The following DMD variants were observed in gnomAD, a reference collection of about 807,000 sequenced individuals.
DMD encodes mutant dystrophin.
In DMD, 63 loss-of-function variants were observed where a neutral mutation model predicts 330.1. That is an observed-to-expected ratio of 0.19 (90% confidence interval 0.16 to 0.24). DMD has a LOEUF of 0.24. DMD is among the 10% of genes least tolerant of loss of function. The pLI, the probability that DMD is intolerant of heterozygous loss-of-function variation, is 1.00. For missense variants in DMD, 3,344 were observed against 2,684.1 expected, an observed-to-expected ratio of 1.25 and a Z score of -5.43; for synonymous variants, 1,223 against 959.8, an observed-to-expected ratio of 1.27 and a Z score of -5.07.
At chrX:32,663,855 G>A (rs1290589679) in intron 9 of DMD, among the ~76,000 whole-genome samples, 1 of 111,722 alleles carries the variant, frequency 9.0e-6, no homozygotes, top group Admixed American at 9.6e-5. Flanking sequence ...AGTATGTGGA[G>A]GAAATGTGTT....
chrX:32,269,542 G>C (rs1306252555), intron 43 of DMD, among the ~76,000 whole-genome samples: 1 of 111,278 alleles, frequency 9.0e-6, no homozygotes, highest in African/African-American at 3.3e-5. Context: ...GGTTGCTGAA[G>C]ACCCGTATGG....
chrX:31,256,742 G>A (rs1290227931), intron 63 of DMD, among the ~76,000 whole-genome samples: 10 of 44,417 alleles, frequency 2.3e-4, no homozygotes, highest in African/African-American at 6.4e-4. Flanking sequence ...TATGTGGGGC[G>A]TGTGTGTGTG....
chrX:31,447,613 C>A (rs2065382501), intron 59 of DMD, among the ~76,000 whole-genome samples: 1 of 111,021 alleles, frequency 9.0e-6, no homozygotes, highest in African/African-American at 3.3e-5. Flanking sequence ...TCTATAAAAA[C>A]CAGGCCAAAT....
chrX:33,128,296 A>C, intron 1 of DMD: 1 of 1,052,920 alleles, frequency 9.5e-7, no homozygotes, highest in Non-Finnish European at 1.2e-6. Context: ...CCAAGCACAG[A>C]TAAAGCAGGC....
intron 62 of DMD, among the ~76,000 whole-genome samples, chrX:31,276,247 C>T (rs1175687706): frequency 2.7e-5 from 3 of 111,096 alleles, no homozygotes; most frequent in African/African-American, 9.8e-5. Context: ...TTGGTAGAGA[C>T]GGGGTTTCAC....
intron 45 of DMD, among the ~76,000 whole-genome samples, chrX:31,952,090 C>T (rs929411026): frequency 6.3e-5 from 7 of 111,202 alleles, no homozygotes; most frequent in African/African-American, 2.3e-4. Flanking sequence ...GATCCCTGTA[C>T]ATGAGGAGTC....
intron 43 of DMD, among the ~76,000 whole-genome samples, chrX:32,284,256 T>C (rs1415924642): frequency 5.4e-5 from 6 of 111,879 alleles, no homozygotes; most frequent in Non-Finnish European, 1.1e-4. Context: ...GAATGGTCTA[T>C]AGACCTTGAC....
At chrX:31,162,409 T>C (rs772529794) in intron 74 of DMD, among the ~76,000 whole-genome samples, 2 of 94,214 alleles carry the variant, frequency 2.1e-5, no homozygotes, top group South Asian at 1.1e-3. Context: ...CATAAACTCT[T>C]ATCCAGCATG....
chrX:32,383,410 G>C (rs1458500827), intron 33 of DMD, among the ~76,000 whole-genome samples: 1 of 111,465 alleles, frequency 9.0e-6, no homozygotes, highest in Non-Finnish European at 1.9e-5. Flanking sequence ...AAAGAATAAT[G>C]TAATAACATT....
At chrX:33,219,702 T>A (rs1053826204) in intron 1 of DMD, among the ~76,000 whole-genome samples, 2 of 111,440 alleles carry the variant, frequency 1.8e-5, no homozygotes, top group African/African-American at 6.5e-5. Context: ...GAGGTAAATG[T>A]ACAGGGATTA....
At chrX:31,211,371 G>A (rs1409552518) in intron 64 of DMD, among the ~76,000 whole-genome samples, 2 of 111,969 alleles carry the variant, frequency 1.8e-5, no homozygotes, top group Non-Finnish European at 3.8e-5. Flanking sequence ...CTCCATTACT[G>A]GAAGAGAGGA....
intron 42 of DMD, among the ~76,000 whole-genome samples, chrX:32,300,434 C>T (rs777071788): frequency 9.0e-6 from 1 of 111,209 alleles, no homozygotes; most frequent in South Asian, 3.8e-4. Context: ...ATTACACCTG[C>T]CCATTTCTCC....
intron 63 of DMD, among the ~76,000 whole-genome samples, chrX:31,244,855 A>C (rs1458175338): frequency 8.9e-6 from 1 of 111,956 alleles, no homozygotes; most frequent in Non-Finnish European, 1.9e-5. Context: ...CCATGTTTTA[A>C]TGTTCAATAA....
intron 53 of DMD, among the ~76,000 whole-genome samples, chrX:31,676,001 G>C (rs1375482920): frequency 8.9e-6 from 1 of 112,003 alleles, no homozygotes; most frequent in East Asian, 2.8e-4. Context: ...AATTTTAAGA[G>C]TTATAACAGT....
rs148409784 is a variant in DMD at position 31,595,080 on chromosome X, T to C, written c.8217+32593A>G. Among the ~76,000 whole-genome samples, 483 of 111,486 alleles carry C rather than the reference T, an allele frequency of 4.3e-3. 3 individuals carry two copies. Among genetic ancestry groups the C allele is most frequent in the African/African-American group, 0.014 (446 of 30,864 alleles). On this transcript the variant is annotated intron_variant, in intron 55 of 78. Transcript: ENST00000357033. Reference sequence around the variant, plus strand: ...TAGTAGTATTTGTTATGTAGACAAATGATTCAAATATTTGCCTCATTGTTA... The same window carrying C: ...TAGTAGTATTTGTTATGTAGACAAACGATTCAAATATTTGCCTCATTGTTA...
At chrX:32,976,981 GA>G (rs1351519810) in intron 2 of DMD, among the ~76,000 whole-genome samples, 5 of 110,989 alleles carry the variant, frequency 4.5e-5, no homozygotes, top group African/African-American at 6.6e-5. Context: ...GTACATAGAA[GA>G]AAAAAAGTTT....
At chrX:31,792,724 A>C (rs757796386) in intron 50 of DMD, among the ~76,000 whole-genome samples, 3 of 111,849 alleles carry the variant, frequency 2.7e-5, no homozygotes, top group East Asian at 5.7e-4. Context: ...ACTGGAGTGC[A>C]TGAGCACTGG....
chrX:32,395,380 C>T (rs1452895807), intron 30 of DMD, among the ~76,000 whole-genome samples: 1 of 105,729 alleles, frequency 9.5e-6, no homozygotes, highest in African/African-American at 3.4e-5. Flanking sequence ...GAAATATATG[C>T]AATGTAATAG....
intron 44 of DMD, among the ~76,000 whole-genome samples, chrX:32,010,759 A>T (rs1434017450): frequency 2.7e-5 from 3 of 111,871 alleles, no homozygotes; most frequent in African/African-American, 9.8e-5. Context: ...AGTGGTTATC[A>T]CCATGACGGT....
Sources: gnomAD v4.1 joint callset for allele counts (sites outside exome capture counted in the v4.1 genomes callset) on GRCh38, gnomAD v4.1.1 for gene constraint, MANE v1.5 for transcripts, NCBI Gene and HGNC (gene_info 2026-07-23, HGNC 2026-07-21) for gene names.